Variants in VWA8 observed in about 807,000 individuals in gnomAD.
VWA8 encodes the protein von Willebrand factor A domain-containing protein 8.
In VWA8, 221 loss-of-function variants were observed where a neutral mutation model predicts 241.5. The observed-to-expected ratio is 0.91, with a 90% CI of 0.82 to 1.02. The LOEUF (loss-of-function observed/expected upper bound fraction) is 1.02. Ranked by LOEUF, VWA8 falls within the 50% of genes least tolerant of loss-of-function variation. The probability of loss-of-function intolerance (pLI) is 0.00; values close to 1 mark genes in which losing one functional copy is unlikely to be tolerated. For missense variants in VWA8, 2,322 were observed against 2,328.7 expected (o/e 1.00, Z 0.06); for synonymous variants, 852 against 827.1 (o/e 1.03, Z -0.52).
chr13:41,782,694 T>G (rs977909696), intron 19 of VWA8, among the ~76,000 whole-genome samples: 2 of 152,056 alleles, frequency 1.3e-5, no homozygotes, highest in Admixed American at 6.5e-5. Context: ...TTATTAAGAA[T>G]AATATGTCTA....
chr13:41,761,212 T>C lies in VWA8; in HGVS notation c.2350-8A>G, dbSNP rs555185744. The stretch of plus-strand genomic sequence containing the variant: ...CTTGTTTTTTCCTACACCCTGTAAT[T>C]ACACAGAAAACATTAAACAAAAAGA... On this transcript the variant is annotated splice_region_variant and splice_polypyrimidine_tract_variant and intron_variant, in intron 20 of 44. Coordinates refer to ENST00000379310, the MANE Select transcript of VWA8 (RefSeq NM_015058.2). 5.7e-5 allele frequency: 91 copies of C among 1,610,416 alleles called. 1 individual carries two copies. In the East Asian group the frequency reaches 1.5e-3, roughly 27 times the overall value.
intron 2 of VWA8, among the ~76,000 whole-genome samples, chr13:41,942,365 A>T (rs765702306): frequency 1.6e-4 from 24 of 152,374 alleles, no homozygotes; most frequent in Admixed American, 1.2e-3. Flanking sequence ...TCTAAAACTC[A>T]TCACACAGCT....
At chr13:41,605,693 G>A (rs1164086799) in intron 39 of VWA8, among the ~76,000 whole-genome samples, 1 of 152,008 alleles carries the variant, frequency 6.6e-6, no homozygotes, top group Non-Finnish European at 1.5e-5. Context: ...ATCAGTTCAT[G>A]TGGCAGATTC....
chr13:41,728,503 A>G (rs1479821710), intron 23 of VWA8, among the ~76,000 whole-genome samples: 1 of 152,040 alleles, frequency 6.6e-6, no homozygotes, highest in African/African-American at 2.4e-5. Context: ...GAGGGTTGCC[A>G]GGAGATAATT....
intron 1 of VWA8, among the ~76,000 whole-genome samples, chr13:41,957,208 GGGGGCA>G (rs2138174180): frequency 6.6e-6 from 1 of 152,270 alleles, no homozygotes; most frequent in South Asian, 2.1e-4. Context: ...ATTGAATCAT[GGGGGCA>G]GGTTTTTCCT....
intron 37 of VWA8, among the ~76,000 whole-genome samples, chr13:41,628,551 T>C (rs1295590794): frequency 1.3e-5 from 2 of 152,116 alleles, no homozygotes; most frequent in African/African-American, 4.8e-5. Flanking sequence ...AACAGTGGAC[T>C]GGATAAAGAA....
At chr13:41,736,602 G>A (rs1469956569) in intron 21 of VWA8, among the ~76,000 whole-genome samples, 3 of 152,198 alleles carry the variant, frequency 2.0e-5, no homozygotes, top group Admixed American at 6.5e-5. Flanking sequence ...TATCTTAACT[G>A]ATTTATAGTT....
chr13:41,759,118 A>AT (rs1353700562), intron 21 of VWA8, among the ~76,000 whole-genome samples: 4 of 151,384 alleles, frequency 2.6e-5, no homozygotes, highest in Middle Eastern at 3.2e-3. Flanking sequence ...TTGTAATTTT[A>AT]TTTTTTTGCA....
chr13:41,886,712 C>A, intron 7 of VWA8, 69 bp downstream of exon 7: 1 of 1,220,660 alleles, frequency 8.2e-7, no homozygotes, highest in South Asian at 1.4e-5. Flanking sequence ...ATTAATTAAT[C>A]AATCAATCAA....
At chr13:41,782,922 T>G (rs1385150702) in intron 19 of VWA8, among the ~76,000 whole-genome samples, 1 of 151,278 alleles carries the variant, frequency 6.6e-6, no homozygotes, top group Non-Finnish European at 1.5e-5. Context: ...AGGTCCATAA[T>G]TATTGGCTAG....
intron 37 of VWA8, among the ~76,000 whole-genome samples, chr13:41,630,402 C>T (rs73464981): frequency 0.033 from 5,014 of 151,966 alleles, 279 homozygotes; most frequent in African/African-American, 0.11. Context: ...TCTCTCTATA[C>T]CAACCCAAAT....
chr13:41,595,073 GACT>G (rs1323754105), intron 40 of VWA8, among the ~76,000 whole-genome samples: 2 of 152,184 alleles, frequency 1.3e-5, no homozygotes, highest in Non-Finnish European at 2.9e-5. Flanking sequence ...TACCATGAAG[GACT>G]ATTAGGCCCT....
chr13:41,760,666 A>G (rs2045732637), intron 21 of VWA8, among the ~76,000 whole-genome samples: 1 of 151,966 alleles, frequency 6.6e-6, no homozygotes, highest in Non-Finnish European at 1.5e-5. Context: ...CTAACCATAC[A>G]AAATTATCTA....
At chr13:41,682,263 A>G (rs200772113) in intron 35 of VWA8, among the ~76,000 whole-genome samples, 2 of 152,334 alleles carry the variant, frequency 1.3e-5, no homozygotes, top group East Asian at 3.9e-4. Flanking sequence ...GCAGTGCAAA[A>G]GAGAAACGAC....
chr13:41,830,317 TA>T (rs397977609), intron 14 of VWA8, among the ~76,000 whole-genome samples: 13 of 145,996 alleles, frequency 8.9e-5, no homozygotes, highest in East Asian at 2.0e-4. Context: ...TTTTTTTTTT[TA>T]AAAAAAAAAA....
intron 2 of VWA8, among the ~76,000 whole-genome samples, chr13:41,947,291 C>A (rs1302769943): frequency 6.6e-6 from 1 of 152,164 alleles, no homozygotes; most frequent in Non-Finnish European, 1.5e-5. Context: ...GAACAAAAAG[C>A]TATTCTATAT....
intron 1 of VWA8, among the ~76,000 whole-genome samples, chr13:41,959,591 T>G (rs1878511416): frequency 7.7e-6 from 1 of 130,138 alleles, no homozygotes. Flanking sequence ...ACGAAATACG[T>G]GGGACCTAAA....
chr13:41,670,490 A>G (rs115402401), intron 37 of VWA8, among the ~76,000 whole-genome samples: 108 of 152,050 alleles, frequency 7.1e-4, no homozygotes, highest in African/African-American at 2.6e-3. Context: ...AAAACGTTCT[A>G]TTGGATGCAT....
chr13:41,822,865 C>G (rs1184269498), intron 14 of VWA8, among the ~76,000 whole-genome samples: 2 of 152,058 alleles, frequency 1.3e-5, no homozygotes, highest in Non-Finnish European at 2.9e-5. Context: ...AGAGCACACA[C>G]TATGTGATTC....
Sources: allele counts gnomAD v4.1 joint callset (sites outside exome capture counted in the v4.1 genomes callset), GRCh38; gene constraint gnomAD v4.1.1; transcripts MANE v1.5; gene names NCBI Gene and HGNC (gene_info 2026-07-23, HGNC 2026-07-21).